RIMS2: variants seen among roughly 807,000 people sequenced by gnomAD.
RIMS2 encodes the protein regulating synaptic membrane exocytosis protein 2.
In RIMS2, 59 loss-of-function variants were observed where a neutral mutation model predicts 174.4. The ratio of observed to expected loss-of-function variants is 0.34; its 90% CI spans 0.27 to 0.42. The LOEUF (loss-of-function observed/expected upper bound fraction) is 0.42. Among genes scored for constraint, RIMS2 ranks in the 10% least tolerant of loss-of-function variants. RIMS2 has a pLI of 1.00. For synonymous variants in RIMS2, 606 were observed against 572.5 expected, an observed-to-expected ratio of 1.06 and a Z score of -0.84; for missense variants, 1,620 against 1,666.3, an observed-to-expected ratio of 0.97 and a Z score of 0.48.
chr8:103,975,200 C>T, intron 15 of RIMS2, 150 bp from the exon 18 acceptor site: 1 of 463,614 alleles, frequency 2.2e-6, no homozygotes. Flanking sequence ...AATATTTTGT[C>T]TTAATATCAT....
intron 19 of RIMS2, among the ~76,000 whole-genome samples, chr8:104,213,629 C>T (rs1563790384): frequency 6.6e-6 from 1 of 152,078 alleles, no homozygotes; most frequent in Non-Finnish European, 1.5e-5. Flanking sequence ...TTAATCCCAG[C>T]ACTTTCGGAG....
At chr8:103,944,073 G>A (rs1324421533) in intron 14 of RIMS2, among the ~76,000 whole-genome samples, 1 of 151,982 alleles carries the variant, frequency 6.6e-6, no homozygotes, top group Non-Finnish European at 1.5e-5. Context: ...GGAAAGCCTA[G>A]AGAATTATTT....
At chr8:103,520,101 C>G (rs1830915365) in intron 1 of RIMS2, among the ~76,000 whole-genome samples, 1 of 152,042 alleles carries the variant, frequency 6.6e-6, no homozygotes, top group South Asian at 2.1e-4. Context: ...AATTTTGTGA[C>G]CTTGAGCAAG....
At chr8:104,140,890 A>G (rs949419687) in intron 19 of RIMS2, among the ~76,000 whole-genome samples, 13 of 152,240 alleles carry the variant, frequency 8.5e-5, no homozygotes, top group African/African-American at 3.1e-4. Context: ...TCTGAGGATG[A>G]TTAAAAATAA....
chr8:103,762,021 T>A (rs947665859), intron 2 of RIMS2, among the ~76,000 whole-genome samples: 6 of 98,896 alleles, frequency 6.1e-5, no homozygotes, highest in South Asian at 6.2e-4. Flanking sequence ...CTAATGTAAA[T>A]TTTTTTTTTT....
chr8:103,564,690 G>A (rs1005666454), intron 1 of RIMS2, among the ~76,000 whole-genome samples: 27 of 152,178 alleles, frequency 1.8e-4, no homozygotes, highest in East Asian at 3.9e-4. Context: ...GTCCTTCCAC[G>A]TTCTTCTGCC....
At chr8:103,857,413 T>C (rs2099033894) in intron 3 of RIMS2, among the ~76,000 whole-genome samples, 1 of 152,152 alleles carries the variant, frequency 6.6e-6, no homozygotes, top group Non-Finnish European at 1.5e-5. Context: ...TCATATATAT[T>C]ATAAAAAACT....
intron 19 of RIMS2, among the ~76,000 whole-genome samples, chr8:104,218,594 GAGCTTGTTTTCCTGTAACT>G (rs1202253922): frequency 6.6e-6 from 1 of 152,024 alleles, no homozygotes; most frequent in East Asian, 1.9e-4. Flanking sequence ...TGGGAGCCCT[GAGCTTGTTTTCCTGTAACT>G]AGACAGTCCT....
At chr8:103,911,786 A>G (rs900252100) in intron 5 of RIMS2, among the ~76,000 whole-genome samples, 1 of 152,140 alleles carries the variant, frequency 6.6e-6, no homozygotes, top group African/African-American at 2.4e-5. Context: ...AGAGCTATAT[A>G]ACTTCAGTAT....
intron 1 of RIMS2, among the ~76,000 whole-genome samples, chr8:103,576,244 A>G (rs2093225541): frequency 6.6e-6 from 1 of 152,250 alleles, no homozygotes; most frequent in Admixed American, 6.5e-5. Flanking sequence ...ACTTGGGTTT[A>G]ATGCACCAAC....
At chr8:103,983,940 A>G (rs1000116194) in intron 16 of RIMS2, among the ~76,000 whole-genome samples, 54 of 152,184 alleles carry the variant, frequency 3.5e-4, no homozygotes, top group African/African-American at 1.2e-3. Context: ...TTGGGAGGCC[A>G]AGGCGGGCGG....
At chr8:103,988,275 C>G (rs960936302) in intron 16 of RIMS2, among the ~76,000 whole-genome samples, 1 of 152,064 alleles carries the variant, frequency 6.6e-6, no homozygotes, top group Non-Finnish European at 1.5e-5. Flanking sequence ...TAAAGTGGCA[C>G]CACAATTAAT....
At chr8:103,763,144 A>T (rs773789558) in intron 2 of RIMS2, among the ~76,000 whole-genome samples, 3 of 152,122 alleles carry the variant, frequency 2.0e-5, no homozygotes, top group Non-Finnish European at 4.4e-5. Flanking sequence ...CAATATATGA[A>T]TAGGAAAATA....
At chr8:103,949,103 G>A (rs1223176249) in intron 14 of RIMS2, among the ~76,000 whole-genome samples, 1 of 126,910 alleles carries the variant, frequency 7.9e-6, no homozygotes, top group Non-Finnish European at 1.6e-5. Flanking sequence ...CTCCAGCCTG[G>A]GCAACAGAGT....
At chr8:104,099,614 C>T (rs949291543) in intron 19 of RIMS2, among the ~76,000 whole-genome samples, 3 of 152,092 alleles carry the variant, frequency 2.0e-5, no homozygotes, top group African/African-American at 7.2e-5. Flanking sequence ...GTATTTCCTA[C>T]TGAAATTTCA....
At chr8:103,945,090 T>A (rs969130391) in intron 14 of RIMS2, among the ~76,000 whole-genome samples, 1 of 152,202 alleles carries the variant, frequency 6.6e-6, no homozygotes, top group South Asian at 2.1e-4. Context: ...TTTAAGTATA[T>A]GTATCATATT....
At position 103,529,457 on chromosome 8, in the gene RIMS2, T is replaced by G. The variant is rs553121317; in HGVS notation, c.176+28395T>G. On this transcript the variant is annotated intron_variant, in intron 1 of 23. Coordinates refer to ENST00000504942, the Ensembl canonical transcript of RIMS2. ...CGGGATATAATCTCCTGGTGTGCCA[T>G]TTGCTAAAACCACTGGAAAAGTGCA... Among the ~76,000 whole-genome samples, 90 of 152,282 alleles carry G rather than the reference T, an allele frequency of 5.9e-4. 2 individuals carry two copies. The South Asian group carries it at 0.018, about 30-fold the overall frequency.
At chr8:103,918,615 A>G (rs2077051593) in intron 9 of RIMS2, 128 bp downstream of exon 12, 2 of 685,726 alleles carry the variant, frequency 2.9e-6, no homozygotes, top group African/African-American at 1.8e-5. Context: ...GTAAGCATAT[A>G]AAGATGGAAA....
At chr8:103,801,698 C>A (rs1479263572) in intron 3 of RIMS2, among the ~76,000 whole-genome samples, 1 of 152,202 alleles carries the variant, frequency 6.6e-6, no homozygotes, top group Non-Finnish European at 1.5e-5. Flanking sequence ...TTCACCTTTA[C>A]CTTGCAGAAG....
Sources: allele counts gnomAD v4.1 joint callset (sites outside exome capture counted in the v4.1 genomes callset), GRCh38; gene constraint gnomAD v4.1.1; transcripts MANE v1.5; gene names NCBI Gene and HGNC (gene_info 2026-07-23, HGNC 2026-07-21).